TXLNG: variants seen among roughly 807,000 people sequenced by gnomAD.
TXLNG encodes the protein gamma-taxilin.
A neutral mutation model predicts 38.8 loss-of-function variants in TXLNG; 5 were observed. The ratio of observed to expected loss-of-function variants is 0.13; its 90% confidence interval spans 0.07 to 0.27. The LOEUF (loss-of-function observed/expected upper bound fraction) is 0.27. TXLNG is among the 10% of genes least tolerant of loss of function. The pLI is 1.00. For synonymous variants in TXLNG, 182 were observed against 158.2 expected (o/e 1.15, Z -1.13); for missense variants, 393 against 398.2 (o/e 0.99, Z 0.11).
intron 5 of TXLNG, among the ~76,000 whole-genome samples, chrX:16,830,593 C>G (rs111764454): frequency 0.033 from 3,320 of 101,738 alleles, 164 homozygotes; most frequent in African/African-American, 0.11. Context: ...ATTCAAAAAG[C>G]TGATTCAAAT....
chrX:16,812,555 G>A (rs1420030340), intron 1 of TXLNG, among the ~76,000 whole-genome samples: 15 of 106,743 alleles, frequency 1.4e-4, no homozygotes, highest in Non-Finnish European at 3.9e-5. Context: ...CATCATGCCC[G>A]GCTAATGTTT....
In TXLNG at chrX:16,843,062, G is replaced by T. The variant is rs1176631061; in HGVS notation, c.*1296G>T. The T allele has an allele frequency of 8.9e-6, 1 of 112,331 alleles. No individual in the cohort carries two copies. The highest frequency in any genetic ancestry group is 3.2e-5 in the African/African-American group (1 of 30,943). The allele number at this position is 112,331 out of a possible 1,213,427, so 9.3% of individuals were successfully genotyped here. On this transcript the variant is annotated 3_prime_UTR_variant, in exon 10 of 10. Coordinates refer to ENST00000380122, the MANE Select transcript of TXLNG (RefSeq NM_018360.3). ...AGATGATTAATCAGGCTGCACTGATGGAAGTTTTGACTTTGTCCCTGGTAT... is the reference window on the plus strand; with the variant it reads ...AGATGATTAATCAGGCTGCACTGATTGAAGTTTTGACTTTGTCCCTGGTAT...
rs770127667 is a variant in TXLNG, at chrX:16,788,155, G to T, written c.102+1566G>T. On this transcript the variant is annotated intron_variant, in intron 1 of 9. Transcript: ENST00000380122. ...AGTGCCAATCTCAGTGTTTGATTTC[G>T]TAGGTTCCCCAGGGGAGGAGGACTC... Among the ~76,000 whole-genome samples, 11 of 112,254 alleles carry T rather than the reference G, an allele frequency of 9.8e-5. No individual in the cohort carries two copies. The East Asian group carries it at 3.1e-3, about 31-fold the overall frequency.
intron 1 of TXLNG, among the ~76,000 whole-genome samples, chrX:16,789,068 G>C (rs1171111140): frequency 9.0e-6 from 1 of 111,716 alleles, no homozygotes; most frequent in Non-Finnish European, 1.9e-5. Flanking sequence ...CTTAATTCCA[G>C]CTTAACTTCT....
chrX:16,840,051 G>C (rs1043947065), intron 9 of TXLNG, 135 bp downstream of exon 9: 31 of 453,119 alleles, frequency 6.8e-5, no homozygotes, highest in Non-Finnish European at 1.1e-4. Flanking sequence ...TTGGGGCGGG[G>C]GTGGGGATGA....
chrX:16,841,689 G>C lies in TXLNG; in HGVS notation c.1510G>C (p.Glu504Gln), dbSNP rs1251881167. ...KRALGAHLEA[E>Q]PKSQRSAVQK... The stretch of plus-strand genomic sequence containing the variant: ...AGCCCTGGGAGCGCACCTGGAGGCT[G>C]AGCCCAAGAGTCAGAGAAGCGCTGT... Residue 504 changes from glutamate (E) to glutamine (Q), a missense_variant, in exon 10 of 10, where the codon GAG becomes CAG. Coordinates refer to ENST00000380122, the MANE Select transcript of TXLNG (RefSeq NM_018360.3). The C allele has an allele frequency of 1.7e-6, 2 of 1,211,971 alleles. No individual in the cohort carries two copies. The highest frequency in any genetic ancestry group is 2.2e-6 in the Non-Finnish European group (2 of 895,601).
intron 1 of TXLNG, among the ~76,000 whole-genome samples, chrX:16,787,786 CTTAA>C (rs1927549588): frequency 9.0e-6 from 1 of 111,562 alleles, no homozygotes; most frequent in South Asian, 3.7e-4. Context: ...TTTAATATTA[CTTAA>C]TTATGTATTT....
At chrX:16,794,048 A>C (rs1300274751) in intron 1 of TXLNG, among the ~76,000 whole-genome samples, 1 of 111,865 alleles carries the variant, frequency 8.9e-6, no homozygotes, top group Non-Finnish European at 1.9e-5. Context: ...TATGGCGCTA[A>C]GAAGGTAAGT....
chrX:16,837,169 G>A (rs1405693242), intron 7 of TXLNG, among the ~76,000 whole-genome samples: 1 of 111,517 alleles, frequency 9.0e-6, no homozygotes, highest in African/African-American at 3.3e-5. Flanking sequence ...CCAATTCTTT[G>A]GCTTCTGTTG....
chrX:16,834,891 A>G (rs1929536553), intron 7 of TXLNG, among the ~76,000 whole-genome samples: 1 of 111,937 alleles, frequency 8.9e-6, no homozygotes, highest in South Asian at 3.8e-4. Context: ...AAAACTACAT[A>G]TAGCTGGGTG....
chrX:16,829,837 A>G (rs1929320299), intron 5 of TXLNG, 67 bp downstream of exon 5: 5 of 1,067,591 alleles, frequency 4.7e-6, no homozygotes, highest in Non-Finnish European at 6.4e-6. Context: ...TCATACCTAA[A>G]GTAAAACTGC....
chrX:16,794,051 A>T (rs1927793570), intron 1 of TXLNG, among the ~76,000 whole-genome samples: 1 of 111,893 alleles, frequency 8.9e-6, no homozygotes, highest in African/African-American at 3.2e-5. Context: ...GGCGCTAAGA[A>T]GGTAAGTACT....
chrX:16,822,994 G>A (rs1298956050), intron 3 of TXLNG, among the ~76,000 whole-genome samples: 1 of 111,558 alleles, frequency 9.0e-6, no homozygotes, highest in Middle Eastern at 4.7e-3. Flanking sequence ...TTGTGGATAA[G>A]GTTATTGCTA....
Position 16,820,272 on chromosome X carries a change from G to A in TXLNG, c.498+17G>A. Reference sequence around the variant, plus strand: ...GCTGATCTTGTGAGTATTAAGCCAAGGATGTGAGAGCCATATAAAATATAA... The same window carrying A: ...GCTGATCTTGTGAGTATTAAGCCAAAGATGTGAGAGCCATATAAAATATAA... On this transcript the variant is annotated intron_variant, in intron 3 of 9. Coordinates refer to ENST00000380122, the MANE Select transcript of TXLNG (RefSeq NM_018360.3). 1 of 1,142,406 alleles carries A rather than the reference G, an allele frequency of 8.8e-7. No individual in the cohort carries two copies. The highest frequency in any genetic ancestry group is 1.2e-6 in the Non-Finnish European group (1 of 842,069). 94.1% of individuals were successfully genotyped at this position (1,142,406 alleles called of 1,213,427 possible). A position where few individuals can be genotyped will look rare whatever the true frequency, so the allele number is the denominator to read the frequency against.
At chrX:16,810,365 C>T (rs1928470561) in intron 1 of TXLNG, among the ~76,000 whole-genome samples, 1 of 111,739 alleles carries the variant, frequency 8.9e-6, no homozygotes, top group South Asian at 3.7e-4. Context: ...AAATCATTTA[C>T]AATTTAATAA....
intron 1 of TXLNG, among the ~76,000 whole-genome samples, chrX:16,815,172 GTTTGTT>G (rs1485948559): frequency 9.0e-6 from 1 of 111,588 alleles, no homozygotes; most frequent in East Asian, 2.8e-4. Flanking sequence ...ATTCTCGTTT[GTTTGTT>G]TTTGTTGTTG....
At chrX:16,841,172 C>T (rs1301157430) in intron 9 of TXLNG, among the ~76,000 whole-genome samples, 5 of 107,305 alleles carry the variant, frequency 4.7e-5, no homozygotes, top group African/African-American at 6.8e-5. Flanking sequence ...TCCAGCCTGG[C>T]AACAGAGCAA....
intron 7 of TXLNG, among the ~76,000 whole-genome samples, 157 bp downstream of exon 7, chrX:16,834,514 A>G (rs41309589): frequency 2.7e-5 from 3 of 111,116 alleles, no homozygotes; most frequent in Non-Finnish European, 3.8e-5. Flanking sequence ...CCCTCTTGGT[A>G]TTTTCCACTT....
chrX:16,787,183 G>C (rs1303987094), intron 1 of TXLNG, among the ~76,000 whole-genome samples: 1 of 112,226 alleles, frequency 8.9e-6, no homozygotes, highest in Admixed American at 9.3e-5. Flanking sequence ...CAGGCGAGCG[G>C]GTGAGTGTCG....
Sources: allele counts gnomAD v4.1 joint callset (sites outside exome capture counted in the v4.1 genomes callset), GRCh38; gene constraint gnomAD v4.1.1; transcripts MANE v1.5; gene names NCBI Gene and HGNC (gene_info 2026-07-23, HGNC 2026-07-21).